TANC2: variants seen among roughly 807,000 people sequenced by gnomAD.
The protein encoded by TANC2 is tetratricopeptide repeat, ankyrin repeat and coiled-coil containing 2, also known as protein TANC2.
A neutral mutation model predicts 210.5 loss-of-function variants in TANC2; 26 were observed. That is an observed-to-expected ratio of 0.12 (90% CI 0.09 to 0.17). The LOEUF is 0.17. TANC2 is among the 10% of genes least tolerant of loss of function. TANC2 has a pLI of 1.00. For synonymous variants in TANC2, 931 were observed against 967.1 expected, an observed-to-expected ratio of 0.96 and a Z score of 0.69; for missense variants, 2,129 against 2,608.9, an observed-to-expected ratio of 0.82 and a Z score of 4.01.
chr17:63,365,947 C>T (rs2047098121), intron 14 of TANC2, among the ~76,000 whole-genome samples: 1 of 151,958 alleles, frequency 6.6e-6, no homozygotes, highest in South Asian at 2.1e-4. Context: ...CGTTTTTGTC[C>T]ACTTTTCTGT....
At chr17:63,220,848 A>G (rs1282468907) in intron 7 of TANC2, among the ~76,000 whole-genome samples, 1 of 148,736 alleles carries the variant, frequency 6.7e-6, no homozygotes, top group South Asian at 2.3e-4. Flanking sequence ...GTGTGTATAT[A>G]CGTATATACG....
intron 1 of TANC2, among the ~76,000 whole-genome samples, chr17:63,002,529 G>T (rs1240647246): frequency 6.6e-6 from 1 of 152,084 alleles, no homozygotes; most frequent in Admixed American, 6.5e-5. Flanking sequence ...ATTTAAGCAT[G>T]AATATCATTA....
intron 4 of TANC2, among the ~76,000 whole-genome samples, chr17:63,144,017 A>G (rs975524629): frequency 2.0e-5 from 3 of 152,148 alleles, no homozygotes; most frequent in African/African-American, 7.2e-5. Flanking sequence ...AGAATTTAAT[A>G]TTCAAATGCT....
chr17:63,034,785 G>A (rs538794429), intron 2 of TANC2, among the ~76,000 whole-genome samples: 31 of 152,304 alleles, frequency 2.0e-4, no homozygotes, highest in Admixed American at 1.5e-3. Flanking sequence ...ACAGCCTGAA[G>A]ATGCACTGAA....
rs571789269 is a variant in TANC2, at chr17:63,350,194, T to A, written c.1808-1056T>A. On this transcript the variant is annotated intron_variant, in intron 12 of 27. Transcript: ENST00000689528. Reference sequence around the variant, plus strand: ...GACTTTCAAAGGCAAAAATAGCCAATTTTGTATGCAAGTCCACAGACATTT... The same window carrying A: ...GACTTTCAAAGGCAAAAATAGCCAAATTTGTATGCAAGTCCACAGACATTT... Among the ~76,000 whole-genome samples, 6 of 152,282 alleles carry A rather than the reference T, an allele frequency of 3.9e-5. No homozygotes were observed. The South Asian group carries it at 1.2e-3, about 32-fold the overall frequency.
At chr17:63,134,595 A>G (rs1347938328) in intron 4 of TANC2, among the ~76,000 whole-genome samples, 1 of 152,198 alleles carries the variant, frequency 6.6e-6, no homozygotes, top group Non-Finnish European at 1.5e-5. Context: ...CCAAAGAAAA[A>G]TAAATACTAA....
At chr17:63,084,761 C>T (rs1374513891) in intron 3 of TANC2, among the ~76,000 whole-genome samples, 1 of 152,028 alleles carries the variant, frequency 6.6e-6, no homozygotes, top group Non-Finnish European at 1.5e-5. Flanking sequence ...TGTGTGTTTA[C>T]TATCCAAGTA....
chr17:63,187,828 T>A (rs1424093551), intron 5 of TANC2, among the ~76,000 whole-genome samples: 1 of 151,714 alleles, frequency 6.6e-6, no homozygotes, highest in Non-Finnish European at 1.5e-5. Context: ...GAAAAAAAAA[T>A]TCAAGACAGA....
chr17:63,238,168 C>G, intron 8 of TANC2, 91 bp downstream of exon 8: 1 of 1,393,510 alleles, frequency 7.2e-7, no homozygotes, highest in Non-Finnish European at 9.4e-7. Flanking sequence ...CCTGCTCTGA[C>G]AGTATTTAAA....
rs2049007045 is a variant in TANC2, at chr17:63,420,957, G to A, written c.5227G>A (p.Val1743Ile). ...CATAGGAGTCAGCCAGAGCCGGTTG[G>A]TTTATCAAGGGTCAATTGGGGGAAT... Residue 1743 changes from valine to isoleucine, a missense_variant, in exon 28 of 28, where the codon GTT becomes ATT. By Grantham distance (29) the Val-to-Ile change is conservative. Coordinates refer to ENST00000689528, the Ensembl canonical transcript of TANC2. The surrounding 1 kb of genome is among the most constrained non-coding windows in gnomAD (Gnocchi z 4.2). 6.2e-7 allele frequency: 1 copy of A among 1,614,010 alleles called. No individual in the cohort carries two copies. The highest frequency in any genetic ancestry group is 2.2e-5 in the East Asian group (1 of 44,882).
intron 1 of TANC2, chr17:62,968,434 A>G (rs1316104683): frequency 6.6e-6 from 1 of 152,204 alleles, no homozygotes; most frequent in Non-Finnish European, 1.5e-5. Context: ...TGCTTCAAAG[A>G]CAAAAATAGA....
intron 7 of TANC2, among the ~76,000 whole-genome samples, chr17:63,228,247 T>G (rs984261871): frequency 3.3e-5 from 5 of 152,164 alleles, no homozygotes; most frequent in African/African-American, 9.7e-5. Flanking sequence ...TGTAGATGTG[T>G]GGTCTTCATT....
chr17:63,132,572 C>T (rs779431439), intron 4 of TANC2, among the ~76,000 whole-genome samples: 13 of 152,096 alleles, frequency 8.5e-5, no homozygotes, highest in Non-Finnish European at 1.9e-4. Context: ...GTTTACTTTC[C>T]ACCAGAGCTT....
At chr17:63,267,832 G>A in exon 9 of TANC2, 1 of 1,613,106 alleles carries the variant, frequency 6.2e-7, no homozygotes, top group Non-Finnish European at 8.5e-7. Context: ...CGAATGCCAA[G>A]ACAGAGCATG....
At chr17:63,162,101 T>TG (rs1460874692) in intron 5 of TANC2, among the ~76,000 whole-genome samples, 1 of 152,012 alleles carries the variant, frequency 6.6e-6, no homozygotes, top group East Asian at 1.9e-4. Context: ...GGCCGGGAGT[T>TG]GGAGACCAGT....
At chr17:63,147,481 G>A (rs1338194742) in intron 4 of TANC2, among the ~76,000 whole-genome samples, 1 of 152,186 alleles carries the variant, frequency 6.6e-6, no homozygotes, top group East Asian at 1.9e-4. Flanking sequence ...CAGTTTGCAT[G>A]TGGTGTTCGT....
chr17:63,111,027 T>C (rs1460628696), intron 4 of TANC2, among the ~76,000 whole-genome samples: 1 of 152,196 alleles, frequency 6.6e-6, no homozygotes, highest in East Asian at 1.9e-4. Flanking sequence ...AAGTAAGATA[T>C]CATGGCCGGG....
chr17:62,972,569 A>G (rs2031763046), intron 1 of TANC2, among the ~76,000 whole-genome samples: 1 of 152,168 alleles, frequency 6.6e-6, no homozygotes, highest in African/African-American at 2.4e-5. Flanking sequence ...AACTTTGCCT[A>G]CATTTCTTCC....
At chr17:63,032,945 C>T (rs2034831228) in intron 2 of TANC2, among the ~76,000 whole-genome samples, 1 of 152,138 alleles carries the variant, frequency 6.6e-6, no homozygotes, top group Admixed American at 6.6e-5. Context: ...TTTCTAGGTG[C>T]CCATGGCTCC....
Sources: gnomAD v4.1 joint callset for allele counts (sites outside exome capture counted in the v4.1 genomes callset) on GRCh38, gnomAD v4.1.1 for gene constraint, Gnocchi (gnomAD v3.1) non-coding constraint, MANE v1.5 for transcripts, NCBI Gene and HGNC (gene_info 2026-07-23, HGNC 2026-07-21) for gene names.